Variants in NPAS3 observed in about 807,000 individuals in gnomAD.
NPAS3 encodes neuronal PAS domain-containing protein 3.
NPAS3 carries 14 observed loss-of-function variants against 73.1 expected under a neutral mutation model. The observed-to-expected ratio is 0.19, with a 90% CI of 0.13 to 0.30. The LOEUF (loss-of-function observed/expected upper bound fraction) is 0.30. NPAS3 is among the 10% of genes least tolerant of loss of function. The pLI is 1.00. For missense variants in NPAS3, 1,096 were observed against 1,250.0 expected, an observed-to-expected ratio of 0.88 and a Z score of 1.86; for synonymous variants, 620 against 541.5, an observed-to-expected ratio of 1.14 and a Z score of -2.01.
intron 1 of NPAS3, among the ~76,000 whole-genome samples, chr14:32,947,650 T>C (rs2036317087): frequency 6.6e-6 from 1 of 152,144 alleles, no homozygotes; most frequent in Non-Finnish European, 1.5e-5. Context: ...ATACCATGTT[T>C]GTGTATGTCT....
intron 2 of NPAS3, among the ~76,000 whole-genome samples, chr14:33,171,613 A>G (rs2045392418): frequency 6.6e-6 from 1 of 152,210 alleles, no homozygotes; most frequent in Non-Finnish European, 1.5e-5. Flanking sequence ...GTTTTGGCTT[A>G]CGGGAATGTT....
chr14:33,162,254 T>A (rs964625817), intron 2 of NPAS3, among the ~76,000 whole-genome samples: 12 of 152,244 alleles, frequency 7.9e-5, no homozygotes, highest in Non-Finnish European at 5.9e-5. Context: ...TCTCCATGCA[T>A]CCATATCTAC....
chr14:33,671,965 AG>A (rs1446848367), intron 5 of NPAS3, among the ~76,000 whole-genome samples: 2 of 152,248 alleles, frequency 1.3e-5, no homozygotes, highest in Non-Finnish European at 2.9e-5. Flanking sequence ...GATTGAAGAC[AG>A]GACCAATAAT....
At chr14:33,217,697 T>C (rs1202715267) in intron 3 of NPAS3, among the ~76,000 whole-genome samples, 1 of 152,216 alleles carries the variant, frequency 6.6e-6, no homozygotes, top group Non-Finnish European at 1.5e-5. Flanking sequence ...TGTCCATTTG[T>C]CTGTGATGTA....
chr14:32,938,981 GGGA>G (rs983617708), upstream of NPAS3, among the ~76,000 whole-genome samples: 7 of 146,366 alleles, frequency 4.8e-5, no homozygotes, highest in South Asian at 6.2e-4. Flanking sequence ...GGCGAGCAGC[GGGA>G]GGAGAAGGCG....
chr14:33,121,258 C>T (rs2043220338), intron 2 of NPAS3, among the ~76,000 whole-genome samples: 1 of 152,124 alleles, frequency 6.6e-6, no homozygotes, highest in Admixed American at 6.5e-5. Context: ...TTATTTTTCA[C>T]CTGATGACTT....
chr14:33,617,473 G>C (rs546519007), intron 5 of NPAS3, among the ~76,000 whole-genome samples: 1 of 152,204 alleles, frequency 6.6e-6, no homozygotes, highest in African/African-American at 2.4e-5. Context: ...ACAGCTAAGA[G>C]TATTTGCCAG....
chr14:33,221,359 C>A (rs2047420332), intron 3 of NPAS3, among the ~76,000 whole-genome samples: 1 of 152,186 alleles, frequency 6.6e-6, no homozygotes, highest in South Asian at 2.1e-4. Context: ...TGCAAAGAAA[C>A]ATGGCCAATT....
chr14:33,055,363 T>A (rs1403758470), intron 1 of NPAS3, among the ~76,000 whole-genome samples: 2 of 152,222 alleles, frequency 1.3e-5, no homozygotes, highest in Non-Finnish European at 2.9e-5. Flanking sequence ...CGGCCTTGCT[T>A]GTGTTTTCAT....
intron 3 of NPAS3, among the ~76,000 whole-genome samples, chr14:33,339,216 G>A (rs748512790): frequency 6.6e-4 from 100 of 152,160 alleles, no homozygotes; most frequent in Non-Finnish European, 1.2e-3. Flanking sequence ...TCTAAATATA[G>A]CACATGATTG....
intron 4 of NPAS3, among the ~76,000 whole-genome samples, chr14:33,391,912 G>A (rs1351016041): frequency 1.3e-5 from 2 of 152,142 alleles, no homozygotes; most frequent in African/African-American, 4.8e-5. Flanking sequence ...TAATCGAATT[G>A]CAAATGAGTA....
At chr14:33,780,842 A>G (rs990921651) in intron 9 of NPAS3, 49 of 265,566 alleles carry the variant, frequency 1.8e-4, no homozygotes, top group African/African-American at 1.1e-3. Flanking sequence ...TATCTTGCCA[A>G]CTAATAAACA....
chr14:33,222,312 G>C (rs916145030), intron 3 of NPAS3, among the ~76,000 whole-genome samples: 1 of 152,094 alleles, frequency 6.6e-6, no homozygotes, highest in Non-Finnish European at 1.5e-5. Flanking sequence ...GAGAAAGGAA[G>C]GAAAAAGAAG....
chr14:33,646,521 G>A (rs914863299), intron 5 of NPAS3, among the ~76,000 whole-genome samples: 5 of 152,100 alleles, frequency 3.3e-5, no homozygotes, highest in African/African-American at 1.2e-4. Context: ...TAACATATAT[G>A]AGTAACGATG....
chr14:33,719,336 G>A (rs944536188), intron 6 of NPAS3, among the ~76,000 whole-genome samples: 3 of 152,120 alleles, frequency 2.0e-5, no homozygotes, highest in Admixed American at 6.5e-5. Context: ...GATCCACCCA[G>A]TAAGCCTAAA....
At chr14:33,598,849 T>G (rs2057320637) in intron 5 of NPAS3, among the ~76,000 whole-genome samples, 1 of 152,246 alleles carries the variant, frequency 6.6e-6, no homozygotes, top group Non-Finnish European at 1.5e-5. Context: ...GGCAGCATTT[T>G]GCAGTGATAG....
At chr14:33,300,101 G>C (rs2042468685) in intron 3 of NPAS3, among the ~76,000 whole-genome samples, 1 of 152,142 alleles carries the variant, frequency 6.6e-6, no homozygotes, top group Admixed American at 6.5e-5. Context: ...ATTAAAACAT[G>C]TTCAAAGATT....
intron 1 of NPAS3, among the ~76,000 whole-genome samples, chr14:33,010,439 G>T (rs1388847219): frequency 6.6e-6 from 1 of 152,190 alleles, no homozygotes; most frequent in Non-Finnish European, 1.5e-5. Context: ...GCCAATCTAT[G>T]TAAGAAGGTA....
intron 2 of NPAS3, among the ~76,000 whole-genome samples, chr14:33,148,797 C>G (rs2044339552): frequency 6.6e-6 from 1 of 152,054 alleles, no homozygotes; most frequent in South Asian, 2.1e-4. Flanking sequence ...GGGCAATATT[C>G]CCACCTCAGC....
Sources: gnomAD v4.1 joint callset for allele counts (sites outside exome capture counted in the v4.1 genomes callset) on GRCh38, gnomAD v4.1.1 for gene constraint, MANE v1.5 for transcripts, NCBI Gene and HGNC (gene_info 2026-07-23, HGNC 2026-07-21) for gene names.